DRC12: variants seen among roughly 807,000 people sequenced by gnomAD.
DRC12 encodes the protein dynein regulatory complex protein 12.
At chr11:119,191,643 A>C in the DRC12 span, among the ~76,000 whole-genome samples, 1 of 151,660 alleles carries the variant, frequency 6.6e-6, no homozygotes, top group Non-Finnish European at 1.5e-5. Context: ...CTCCATCTCT[A>C]CTAAAAATAC....
the DRC12 span, chr11:119,194,031 T>C: frequency 1.3e-6 from 1 of 789,856 alleles, no homozygotes; most frequent in Non-Finnish European, 1.9e-6. Context: ...GTTGTTTTTG[T>C]TTTTTATCCC....
the DRC12 span, among the ~76,000 whole-genome samples, chr11:119,191,977 C>CA: frequency 7.3e-6 from 1 of 137,338 alleles, no homozygotes; most frequent in Non-Finnish European, 1.6e-5. Context: ...AACCGAAGGC[C>CA]TTTTTTTTTT....
At chr11:119,194,541 A>AAAAAAAAAAG in the DRC12 span, among the ~76,000 whole-genome samples, 18 of 66,034 alleles carry the variant, frequency 2.7e-4, 1 homozygote, top group Middle Eastern at 9.1e-3. Flanking sequence ...AAAAAAAAAA[A>AAAAAAAAAAG]AAAATAAATA....
chr11:119,193,053 G>A, the DRC12 span: 11 of 1,051,046 alleles, frequency 1.0e-5, no homozygotes, highest in East Asian at 4.8e-5. Flanking sequence ...GAGCCCAGAC[G>A]GCAGCTTTCT....
the DRC12 span, chr11:119,195,043 C>T: frequency 1.4e-6 from 2 of 1,440,502 alleles, no homozygotes; most frequent in Non-Finnish European, 1.9e-6. Context: ...CTCAGCATTC[C>T]TCACTCTGCT....
the DRC12 span, chr11:119,193,574 C>T: frequency 7.0e-7 from 1 of 1,433,788 alleles, no homozygotes; most frequent in Non-Finnish European, 9.1e-7. Flanking sequence ...AAGGCCCCTG[C>T]CTGGGATCCC....
At chr11:119,193,950 G>A in the DRC12 span, 14 of 1,494,370 alleles carry the variant, frequency 9.4e-6, no homozygotes, top group African/African-American at 2.8e-5. Flanking sequence ...CCCCATGAAC[G>A]TGATGGACTT....
chr11:119,190,770 G>T, the DRC12 span: 3 of 1,614,134 alleles, frequency 1.9e-6, no homozygotes, highest in Non-Finnish European at 2.5e-6. This position sits in a 1 kb window ranked among gnomAD's most constrained non-coding sequence, Gnocchi z 4.2. Context: ...GCTGAGCCAG[G>T]GCCTGGTCCC....
the DRC12 span, among the ~76,000 whole-genome samples, chr11:119,191,424 GAC>G: frequency 2.0e-5 from 3 of 151,870 alleles, no homozygotes; most frequent in African/African-American, 7.3e-5. Context: ...AAGAGAGAAT[GAC>G]ACATCCCTCA....
chr11:119,195,796 T>G, the DRC12 span: 1 of 276,230 alleles, frequency 3.6e-6, no homozygotes, highest in Admixed American at 5.1e-5. Flanking sequence ...CCTCACTTCC[T>G]ACCTGTAGGA....
At chr11:119,190,303 G>A in the DRC12 span, 1 of 1,614,172 alleles carries the variant, frequency 6.2e-7, no homozygotes, top group Non-Finnish European at 8.5e-7. The surrounding 1 kb of genome is among the most constrained non-coding windows in gnomAD (Gnocchi z 4.2). Context: ...GAGAACACTA[G>A]AGACTAGGGG....
the DRC12 span, among the ~76,000 whole-genome samples, chr11:119,192,324 G>C: frequency 9.2e-5 from 14 of 152,294 alleles, no homozygotes; most frequent in African/African-American, 2.4e-4. Context: ...TTGTGAAAGA[G>C]CTCATGTGTC....
chr11:119,195,452 A>G, the DRC12 span: 7 of 1,551,426 alleles, frequency 4.5e-6, no homozygotes, highest in Non-Finnish European at 5.2e-6. Flanking sequence ...TCTGTGCCCC[A>G]GATTTCTTCC....
the DRC12 span, chr11:119,195,606 C>A: frequency 1.3e-6 from 1 of 785,670 alleles, no homozygotes; most frequent in Admixed American, 2.5e-5. Context: ...TCTCTCATAT[C>A]CTTCAGAAAA....
At chr11:119,192,492 A>G in the DRC12 span, among the ~76,000 whole-genome samples, 1 of 152,212 alleles carries the variant, frequency 6.6e-6, no homozygotes. Context: ...AAGATACAGA[A>G]GTAAATAAGT....
At chr11:119,191,487 C>G in the DRC12 span, among the ~76,000 whole-genome samples, 1 of 151,888 alleles carries the variant, frequency 6.6e-6, no homozygotes, top group Non-Finnish European at 1.5e-5. Flanking sequence ...AAGCACCTAG[C>G]TAGTATACAG....
the DRC12 span, among the ~76,000 whole-genome samples, chr11:119,191,404 T>C: frequency 6.6e-6 from 1 of 151,920 alleles, no homozygotes; most frequent in Non-Finnish European, 1.5e-5. Context: ...GGCTGGTGTC[T>C]TCATCTGTAA....
At chr11:119,192,008 C>A in the DRC12 span, among the ~76,000 whole-genome samples, 3 of 143,802 alleles carry the variant, frequency 2.1e-5, no homozygotes, top group East Asian at 4.2e-4. Flanking sequence ...TGGAATCTTA[C>A]TCTGTTGCCG....
At chr11:119,194,406 C>T in the DRC12 span, among the ~76,000 whole-genome samples, 8 of 147,206 alleles carry the variant, frequency 5.4e-5, no homozygotes, top group African/African-American at 2.0e-4. Flanking sequence ...CCCAGCTACT[C>T]GGGAGGCTGA....
Sources: allele counts gnomAD v4.1 joint callset (sites outside exome capture counted in the v4.1 genomes callset), GRCh38; gene constraint gnomAD v4.1.1; non-coding constraint Gnocchi (gnomAD v3.1); transcripts MANE v1.5; gene names NCBI Gene and HGNC (gene_info 2026-07-23, HGNC 2026-07-21).